The following ZDHHC11B variants were observed in gnomAD, a reference collection of about 807,000 sequenced individuals.
ZDHHC11B encodes the protein probable palmitoyltransferase ZDHHC11B.
In ZDHHC11B, 17 loss-of-function variants were observed where a neutral mutation model predicts 42.3. That is an observed-to-expected ratio of 0.40 (90% CI 0.27 to 0.60). The LOEUF is 0.60. ZDHHC11B is among the 20% of genes least tolerant of loss of function. The probability of loss-of-function intolerance (pLI) is 0.41; values close to 1 mark genes in which losing one functional copy is unlikely to be tolerated. For missense variants in ZDHHC11B, 262 were observed against 463.2 expected, an observed-to-expected ratio of 0.57 and a Z score of 3.99; for synonymous variants, 123 against 193.5, an observed-to-expected ratio of 0.64 and a Z score of 3.02.
chr5:710,573 C>CTGTGCCCCCATTTCACAGTACTG lies in ZDHHC11B; in HGVS notation c.*1716_*1717insCAGTACTGTGAAATGGGGGCACA, dbSNP rs1741280634. ...AGTACTATGCTCCCATTTCCCAGTACTGTGCTCCCATTTCACAGTACTGTG... is the reference window on the plus strand; with the variant it reads ...AGTACTATGCTCCCATTTCCCAGTACTGTGCCCCCATTTCACAGTACTGTGTGCTCCCATTTCACAGTACTGTG... On this transcript the variant is annotated 3_prime_UTR_variant, in exon 14 of 14. Transcript: ENST00000508859. The CTGTGCCCCCATTTCACAGTACTG allele has an allele frequency of 2.3e-5, 2 of 86,970 alleles. No individual in the cohort carries two copies. Among genetic ancestry groups the CTGTGCCCCCATTTCACAGTACTG allele is most frequent in the African/African-American group, 7.7e-5 (2 of 26,126 alleles). 5.4% of individuals were successfully genotyped at this position (86,970 alleles called of 1,614,324 possible).
rs1481818668 is a variant in ZDHHC11B, at chr5:736,857, A to T, written c.936-3018T>A. 3.1e-5 allele frequency among the ~76,000 whole-genome samples: 4 copies of T among 130,608 alleles called. 1 individual carries two copies. The highest frequency in any genetic ancestry group is 6.5e-5 in the Non-Finnish European group (4 of 61,504). 85.7% of individuals were successfully genotyped at this position (130,608 alleles called of 152,430 possible). On this transcript the variant is annotated intron_variant, in intron 10 of 13. Coordinates refer to ENST00000508859, the MANE Select transcript of ZDHHC11B (RefSeq NM_001351303.2). ...TTCACAGCATTAAATGGCCACATCA[A>T]AAAGACTGAAAGAGCACAAACAGAC...
intron 7 of ZDHHC11B, 63 bp from the exon 8 acceptor site, chr5:748,622 T>C (rs3817061): frequency 0.079 from 97,137 of 1,227,206 alleles, 13,678 homozygotes; most frequent in East Asian, 0.36. Flanking sequence ...ATCAGGTGGA[T>C]GTCACAGACC....
intron 8 of ZDHHC11B, among the ~76,000 whole-genome samples, chr5:746,806 C>T (rs543628855): frequency 1.3e-5 from 2 of 148,364 alleles, no homozygotes; most frequent in South Asian, 4.6e-4. Flanking sequence ...CCCAGGGAAA[C>T]ATTTTGTACA....
At chr5:739,634 G>A (rs1286514991) in intron 10 of ZDHHC11B, among the ~76,000 whole-genome samples, 1 of 147,136 alleles carries the variant, frequency 6.8e-6, no homozygotes, top group Non-Finnish European at 1.5e-5. Context: ...TGGCATGGAT[G>A]TGGTGAAAAG....
At chr5:778,112 A>G (rs1372526044) in intron 1 of ZDHHC11B, among the ~76,000 whole-genome samples, 1 of 151,912 alleles carries the variant, frequency 6.6e-6, no homozygotes, top group Admixed American at 6.6e-5. Context: ...TGCGGCGGAG[A>G]CTGATACGGG....
chr5:713,790 A>G (rs1258376906), intron 13 of ZDHHC11B, among the ~76,000 whole-genome samples: 2 of 151,926 alleles, frequency 1.3e-5, no homozygotes, highest in Admixed American at 1.3e-4. Flanking sequence ...CTTTGCGGGT[A>G]GAGAAGTGAG....
chr5:766,309 C>T (rs536519975), intron 4 of ZDHHC11B, among the ~76,000 whole-genome samples: 190 of 151,722 alleles, frequency 1.3e-3, no homozygotes, highest in Non-Finnish European at 2.3e-3. Context: ...GGACCCCTGC[C>T]GCTGGAAGAT....
chr5:727,301 G>T (rs1167485228), intron 12 of ZDHHC11B, among the ~76,000 whole-genome samples: 1 of 136,076 alleles, frequency 7.3e-6, no homozygotes, highest in Non-Finnish European at 1.7e-5. Context: ...CTGCCCACCT[G>T]GGGGAGACTG....
At chr5:778,023 G>T (rs1208092557) in intron 1 of ZDHHC11B, among the ~76,000 whole-genome samples, 1 of 151,952 alleles carries the variant, frequency 6.6e-6, no homozygotes, top group African/African-American at 2.4e-5. Context: ...CGGGCTGGCA[G>T]TGCTGGGGGA....
At chr5:778,913 C>A (rs1479571677) in intron 1 of ZDHHC11B, among the ~76,000 whole-genome samples, 1 of 151,944 alleles carries the variant, frequency 6.6e-6, no homozygotes, top group Non-Finnish European at 1.5e-5. Context: ...GCTATGGGGG[C>A]CAGGCTCCTG....
intron 12 of ZDHHC11B, among the ~76,000 whole-genome samples, chr5:724,937 C>T (rs1335698639): frequency 1.4e-4 from 20 of 146,694 alleles, no homozygotes; most frequent in African/African-American, 4.1e-4. Context: ...CTGCACCCCT[C>T]GCTGAGATGC....
chr5:763,067 TC>T (rs1734825453), intron 4 of ZDHHC11B, among the ~76,000 whole-genome samples: 1 of 151,758 alleles, frequency 6.6e-6, no homozygotes, highest in African/African-American at 2.4e-5. Flanking sequence ...TACTCCAATT[TC>T]CTGAAAAACA....
chr5:732,625 C>T (rs537957596), intron 11 of ZDHHC11B: 88 of 450,188 alleles, frequency 2.0e-4, no homozygotes, highest in South Asian at 1.3e-3. Context: ...GTCACAGGAG[C>T]CTGTTCCCTG....
intron 13 of ZDHHC11B, among the ~76,000 whole-genome samples, chr5:715,213 G>T (rs1741661946): frequency 6.6e-6 from 1 of 150,680 alleles, no homozygotes; most frequent in Non-Finnish European, 1.5e-5. Flanking sequence ...GTTGCTCACG[G>T]AAGGGAGTCC....
chr5:726,977 C>T (rs765289757), intron 12 of ZDHHC11B, among the ~76,000 whole-genome samples: 1 of 129,396 alleles, frequency 7.7e-6, no homozygotes, highest in African/African-American at 3.1e-5. Flanking sequence ...CCTGAATTCA[C>T]TAAATCAAAG....
At chr5:773,730 G>A (rs1282147631) in intron 1 of ZDHHC11B, among the ~76,000 whole-genome samples, 3 of 151,828 alleles carry the variant, frequency 2.0e-5, no homozygotes, top group Non-Finnish European at 4.4e-5. Context: ...AGCCCAAGTG[G>A]GGCCTGGCCA....
chr5:711,722 T>C lies in ZDHHC11B; in HGVS notation c.*568A>G, dbSNP rs4991353. 74,930 of 144,186 alleles carry C rather than the reference T, an allele frequency of 0.52. 16,492 individuals are homozygous for C. Among genetic ancestry groups the C allele is most frequent in the African/African-American group, 0.61 (23,372 of 38,402 alleles). The allele number at this position is 144,186 out of a possible 1,614,324, so 8.9% of individuals were successfully genotyped here. A position where few individuals can be genotyped will look rare whatever the true frequency, so the allele number is the denominator to read the frequency against. ...CTCTGTGCTCCCATTTCCCAGTACT[T>C]TGTGCTCCCATTTCCCAGCACTGTG... On this transcript the variant is annotated 3_prime_UTR_variant, in exon 14 of 14. Coordinates refer to ENST00000508859, the MANE Select transcript of ZDHHC11B (RefSeq NM_001351303.2).
chr5:759,977 G>A (rs1734379493), intron 4 of ZDHHC11B, among the ~76,000 whole-genome samples: 3 of 152,034 alleles, frequency 2.0e-5, no homozygotes, highest in South Asian at 4.2e-4. Context: ...ATGCCGTCCT[G>A]AGCCCAGCGC....
At chr5:743,090 C>T (rs1378827500) in intron 9 of ZDHHC11B, among the ~76,000 whole-genome samples, 3 of 149,496 alleles carry the variant, frequency 2.0e-5, no homozygotes, top group African/African-American at 4.9e-5. Flanking sequence ...ATGTGGATAT[C>T]CAATTGTTCT....
Sources: allele counts gnomAD v4.1 joint callset (sites outside exome capture counted in the v4.1 genomes callset), GRCh38; gene constraint gnomAD v4.1.1; transcripts MANE v1.5; gene names NCBI Gene and HGNC (gene_info 2026-07-23, HGNC 2026-07-21).